The following ZNF431 variants were observed in gnomAD, a reference collection of about 807,000 sequenced individuals.
The protein encoded by ZNF431 is zinc finger protein 431.
Under a neutral mutation model 57.0 loss-of-function variants are expected in ZNF431, and 34 were observed. That is an observed-to-expected ratio of 0.60 (90% CI 0.45 to 0.79). The LOEUF is 0.79. Ranked by LOEUF, ZNF431 falls within the 30% of genes least tolerant of loss-of-function variation. The pLI, the probability that ZNF431 is intolerant of heterozygous loss-of-function variation, is 0.00. For synonymous variants in ZNF431, 207 were observed against 220.3 expected (o/e 0.94, Z 0.54); for missense variants, 607 against 667.1 (o/e 0.91, Z 0.99).
At chr19:21,179,182 T>G (rs1330407720) in intron 4 of ZNF431, among the ~76,000 whole-genome samples, 1 of 152,206 alleles carries the variant, frequency 6.6e-6, no homozygotes, top group African/African-American at 2.4e-5. Context: ...TTTCCGAACA[T>G]TGTTTTTATT....
rs1172634439 is a variant in ZNF431 at position 21,185,435 on chromosome 19, A to G, written c.*1401A>G. 6.6e-6 allele frequency: 1 copy of G among 152,180 alleles called. No homozygotes were observed. The highest frequency in any genetic ancestry group is 1.5e-5 in the Non-Finnish European group (1 of 68,052). 9.4% of individuals were successfully genotyped at this position (152,180 alleles called of 1,614,324 possible). ...AAAGCATGGGGTTAATTGTTGCTAC[A>G]TCAAAGAGAGAGATTCTTTTGTTTG... On this transcript the variant is annotated 3_prime_UTR_variant, in exon 5 of 5. Coordinates refer to ENST00000311048, the MANE Select transcript of ZNF431 (RefSeq NM_133473.4).
At position 21,188,118 on chromosome 19, in the gene ZNF431, C is replaced by G. The variant is rs937625635; in HGVS notation, c.*4084C>G. 2.0e-4 allele frequency: 30 copies of G among 151,120 alleles called. No homozygotes were observed. Among genetic ancestry groups the G allele is most frequent in the African/African-American group, 5.6e-4 (23 of 41,068 alleles). The allele number at this position is 151,120 out of a possible 1,614,324, so 9.4% of individuals were successfully genotyped here. ...TACTAAAAATACAAATTTAGCCACG[C>G]GTGGTGACGCACGCCTGTAATCCCA... On this transcript the variant is annotated 3_prime_UTR_variant, in exon 5 of 5. Coordinates refer to ENST00000311048, the MANE Select transcript of ZNF431 (RefSeq NM_133473.4).
intron 2 of ZNF431, among the ~76,000 whole-genome samples, chr19:21,151,395 C>A (rs1278752917): frequency 6.6e-6 from 1 of 152,114 alleles, no homozygotes; most frequent in East Asian, 1.9e-4. Context: ...TTCTTATTAC[C>A]AGACTTTATT....
rs1412992584 is a variant in ZNF431 at position 21,167,455 on chromosome 19, A to T, written c.224-116A>T. Reference sequence around the variant, plus strand: ...ATAACAGGTGTGAGCAACTGCGCCCAGCCTTTGGATTAATTTTCTAAAATA... The same window carrying T: ...ATAACAGGTGTGAGCAACTGCGCCCTGCCTTTGGATTAATTTTCTAAAATA... On this transcript the variant is annotated intron_variant, in intron 3 of 4. Coordinates refer to ENST00000311048, the MANE Select transcript of ZNF431 (RefSeq NM_133473.4). The T allele has an allele frequency of 6.7e-6, 5 of 742,286 alleles. No homozygotes were observed. In the African/African-American group the frequency reaches 9.5e-5, roughly 14 times the overall value. The allele number at this position is 742,286 out of a possible 1,614,324, so 46.0% of individuals were successfully genotyped here.
intron 4 of ZNF431, among the ~76,000 whole-genome samples, chr19:21,169,412 G>A (rs1187899902): frequency 6.6e-6 from 1 of 152,076 alleles, no homozygotes; most frequent in Non-Finnish European, 1.5e-5. Context: ...TTTTATATTG[G>A]TATCTGTGAA....
rs915832812 is a variant in ZNF431, at chr19:21,194,705, A to T, written c.*10671A>T. The T allele has an allele frequency of 6.6e-6, 1 of 152,160 alleles. No individual in the cohort carries two copies. The highest frequency in any genetic ancestry group is 1.5e-5 in the Non-Finnish European group (1 of 68,032). 9.4% of individuals were successfully genotyped at this position (152,160 alleles called of 1,614,324 possible). ...GCTGGTCTCAAACTCCCGGCGTCCCAAAGTGCTGGGATTACAGGTGCGACC... is the reference window on the plus strand; with the variant it reads ...GCTGGTCTCAAACTCCCGGCGTCCCTAAGTGCTGGGATTACAGGTGCGACC... On this transcript the variant is annotated 3_prime_UTR_variant, in exon 5 of 5. Transcript: ENST00000311048.
Position 21,189,790 on chromosome 19 carries a change from C to T in ZNF431, c.*5756C>T. ...GAGACACTAATCTTTCTGTGCCTTG[C>T]TTATCCCAACTAATACAATGTCCTC... is the stretch of plus-strand genomic sequence containing the variant. On this transcript the variant is annotated 3_prime_UTR_variant, in exon 5 of 5. Transcript: ENST00000311048. 2.5e-6 allele frequency: 1 copy of T among 396,464 alleles called. No homozygotes were observed. Among genetic ancestry groups the T allele is most frequent in the Non-Finnish European group, 4.4e-6 (1 of 225,268 alleles). The allele number at this position is 396,464 out of a possible 1,614,324, so 24.6% of individuals were successfully genotyped here.
chr19:21,157,586 T>C (rs1273148333), intron 2 of ZNF431, among the ~76,000 whole-genome samples: 9 of 149,964 alleles, frequency 6.0e-5, no homozygotes, highest in African/African-American at 2.2e-4. Context: ...GGCTGGAGTG[T>C]AGTGGTGGGA....
intron 2 of ZNF431, among the ~76,000 whole-genome samples, chr19:21,145,519 T>C (rs887846308): frequency 6.6e-5 from 10 of 152,076 alleles, no homozygotes; most frequent in Non-Finnish European, 1.2e-4. Context: ...CTAGTTTTTT[T>C]CTGGGGATCC....
At position 21,184,027 on chromosome 19, in the gene ZNF431, G is replaced by T. The variant is rs748616718; in HGVS notation, c.1724G>T (p.Ser575Ile). 1 of 1,562,030 alleles carries T rather than the reference G, an allele frequency of 6.4e-7. No individual in the cohort carries two copies. Among genetic ancestry groups the T allele is most frequent in the African/African-American group, 1.4e-5 (1 of 72,838 alleles). Residue 575 changes from serine to isoleucine, a missense_variant, in exon 5 of 5, where the codon AGC becomes ATC. Coordinates refer to ENST00000311048, the MANE Select transcript of ZNF431 (RefSeq NM_133473.4). ...CTACAAATGTCAAGAATGTGGGAAA[G>T]CCTTTAAGCAGTCCTCAACTCTTAC... ...ETLQMSRMWESL is the reference protein window; with the variant it reads ...ETLQMSRMWEIL
intron 2 of ZNF431, among the ~76,000 whole-genome samples, chr19:21,154,976 T>C (rs1298115248): frequency 1.3e-5 from 2 of 152,220 alleles, no homozygotes; most frequent in Non-Finnish European, 2.9e-5. Flanking sequence ...AAGTTGCCTG[T>C]TCACTCTGAT....
chr19:21,165,720 G>GT (rs913690158), intron 2 of ZNF431, among the ~76,000 whole-genome samples: 30 of 146,460 alleles, frequency 2.0e-4, no homozygotes, highest in Non-Finnish European at 2.7e-4. Context: ...TTTTGTTTTT[G>GT]TTTTTTTTTG....
chr19:21,153,280 A>G (rs1021474169), intron 2 of ZNF431, among the ~76,000 whole-genome samples: 8 of 152,102 alleles, frequency 5.3e-5, no homozygotes, highest in East Asian at 1.9e-4. Context: ...CTGACCTCCT[A>G]TCTCATCTTG....
intron 3 of ZNF431, 61 bp downstream of exon 3, chr19:21,166,522 T>C (rs966310308): frequency 1.3e-6 from 2 of 1,527,096 alleles, no homozygotes; most frequent in Non-Finnish European, 1.8e-6. Context: ...TCTCTTTTTT[T>C]GTAGAATTTT....
Position 21,189,690 on chromosome 19 carries a change from C to G in ZNF431, c.*5656C>G, listed in dbSNP as rs1018275908. The G allele has an allele frequency of 7.3e-5, 28 of 385,694 alleles. 1 individual carries two copies. The highest frequency in any genetic ancestry group is 9.1e-6 in the Non-Finnish European group (2 of 218,710). 23.9% of individuals were successfully genotyped at this position (385,694 alleles called of 1,614,324 possible). A position where few individuals can be genotyped will look rare whatever the true frequency, so the allele number is the denominator to read the frequency against. On this transcript the variant is annotated 3_prime_UTR_variant, in exon 5 of 5. Transcript: ENST00000311048. ...CCTTCCATTTCTTATAAATAACTTGCATCTGATGGTCACCATTTTACTCTC... is the reference window on the plus strand; with the variant it reads ...CCTTCCATTTCTTATAAATAACTTGGATCTGATGGTCACCATTTTACTCTC...
At chr19:21,179,852 G>A (rs975151568) in intron 4 of ZNF431, among the ~76,000 whole-genome samples, 9 of 151,870 alleles carry the variant, frequency 5.9e-5, no homozygotes, top group Admixed American at 1.3e-4. Flanking sequence ...GAGCCACCAC[G>A]CCCGGCTACA....
In ZNF431 at chr19:21,184,083, C is replaced by T; in HGVS notation, c.*49C>T. 2 of 1,491,388 alleles carry T rather than the reference C, an allele frequency of 1.3e-6. No homozygotes were observed. Among genetic ancestry groups the T allele is most frequent in the Non-Finnish European group, 8.9e-7 (1 of 1,118,988 alleles). 92.4% of individuals were successfully genotyped at this position (1,491,388 alleles called of 1,614,324 possible). A position where few individuals can be genotyped will look rare whatever the true frequency, so the allele number is the denominator to read the frequency against. ...ATTAAATATTGGCCGGGTGCGGTGGCTTATGCAAAATGGCTCCCAGCATTT... is the reference window on the plus strand; with the variant it reads ...ATTAAATATTGGCCGGGTGCGGTGGTTTATGCAAAATGGCTCCCAGCATTT... On this transcript the variant is annotated 3_prime_UTR_variant, in exon 5 of 5. Coordinates refer to ENST00000311048, the MANE Select transcript of ZNF431 (RefSeq NM_133473.4).
Position 21,189,106 on chromosome 19 carries a change from CAGGT to C in ZNF431, c.*5075_*5078del, listed in dbSNP as rs1478070864. ...ATGTTTTATAAATATTTTAATGTGA[CAGGT>C]AGAATCTGTACTTTTTCTGTAGAAC... On this transcript the variant is annotated 3_prime_UTR_variant, in exon 5 of 5. Transcript: ENST00000311048. 5.3e-5 allele frequency: 8 copies of C among 152,116 alleles called. No homozygotes were observed. Among genetic ancestry groups the C allele is most frequent in the Admixed American group, 2.0e-4 (3 of 15,264 alleles). The allele number at this position is 152,116 out of a possible 1,614,324, so 9.4% of individuals were successfully genotyped here.
intron 4 of ZNF431, among the ~76,000 whole-genome samples, chr19:21,169,080 T>C (rs566369880): frequency 6.6e-6 from 1 of 151,782 alleles, no homozygotes; most frequent in East Asian, 1.9e-4. Flanking sequence ...CCAGCTAAAT[T>C]TTTTTTTGCA....
Sources: allele counts gnomAD v4.1 joint callset (sites outside exome capture counted in the v4.1 genomes callset), GRCh38; gene constraint gnomAD v4.1.1; transcripts MANE v1.5; gene names NCBI Gene and HGNC (gene_info 2026-07-23, HGNC 2026-07-21).